Variants in STRBP observed in about 807,000 individuals in gnomAD.
STRBP encodes the protein spermatid perinuclear RNA-binding protein.
A neutral mutation model predicts 80.1 loss-of-function variants in STRBP; 13 were observed. That is an observed-to-expected ratio of 0.16 (90% CI 0.11 to 0.26). The LOEUF (loss-of-function observed/expected upper bound fraction) is 0.26. STRBP is among the 10% of genes least tolerant of loss of function. The probability of loss-of-function intolerance (pLI) is 1.00; values close to 1 mark genes in which losing one functional copy is unlikely to be tolerated. For synonymous variants in STRBP, 284 were observed against 291.2 expected, an observed-to-expected ratio of 0.98 and a Z score of 0.25; for missense variants, 485 against 815.2, an observed-to-expected ratio of 0.59 and a Z score of 4.93.
At chr9:123,216,699 C>T (rs117792680) in intron 2 of STRBP, among the ~76,000 whole-genome samples, 6 of 152,314 alleles carry the variant, frequency 3.9e-5, no homozygotes, top group East Asian at 1.9e-4. Flanking sequence ...AACACTGCTA[C>T]GATATCATGT....
chr9:123,179,789 A>G (rs1255521604), intron 3 of STRBP, among the ~76,000 whole-genome samples: 1 of 152,136 alleles, frequency 6.6e-6, no homozygotes, highest in African/African-American at 2.4e-5. Flanking sequence ...CTGAACCTAC[A>G]CATTCTGAAT....
intron 17 of STRBP, among the ~76,000 whole-genome samples, chr9:123,130,468 A>G (rs1341175348): frequency 6.6e-6 from 1 of 152,144 alleles, no homozygotes; most frequent in Non-Finnish European, 1.5e-5. Context: ...GGTTCCTTTC[A>G]TGATTACTGC....
intron 2 of STRBP, among the ~76,000 whole-genome samples, chr9:123,200,108 CT>C (rs1021263368): frequency 1.3e-5 from 2 of 152,036 alleles, no homozygotes; most frequent in Admixed American, 1.3e-4. Flanking sequence ...TTGTCAAATG[CT>C]TTTTCTGCAT....
chr9:123,221,386 C>T (rs1203128532), intron 2 of STRBP, among the ~76,000 whole-genome samples: 5 of 152,162 alleles, frequency 3.3e-5, no homozygotes, highest in Admixed American at 1.3e-4. Context: ...CTCCCTGGGT[C>T]GCACTTTCCT....
At chr9:123,207,757 C>T (rs1010035669) in intron 2 of STRBP, among the ~76,000 whole-genome samples, 1 of 151,952 alleles carries the variant, frequency 6.6e-6, no homozygotes. Context: ...AAGAACACAT[C>T]AGGGAGGGAT....
intron 2 of STRBP, among the ~76,000 whole-genome samples, chr9:123,205,842 T>G (rs2039494849): frequency 6.6e-6 from 1 of 152,228 alleles, no homozygotes; most frequent in South Asian, 2.1e-4. Context: ...ATTCAATATC[T>G]TTGGCTCAGG....
intron 2 of STRBP, among the ~76,000 whole-genome samples, chr9:123,223,462 A>G (rs900237946): frequency 2.0e-5 from 3 of 152,218 alleles, no homozygotes; most frequent in South Asian, 2.1e-4. Context: ...GTGAGGGGAT[A>G]GAATGATATG....
At chr9:123,243,987 C>A (rs1483740457) in intron 1 of STRBP, among the ~76,000 whole-genome samples, 1 of 152,172 alleles carries the variant, frequency 6.6e-6, no homozygotes, top group Non-Finnish European at 1.5e-5. Flanking sequence ...TATAGCAGTT[C>A]TGTTCATAAT....
In STRBP at chr9:123,123,781, T is replaced by C. The variant is rs989728134; in HGVS notation, c.*1816A>G. ...GTATTCCAAAGACAATGAGGACTACTGTAAAGATTTAATTAATAAAAACTG... is the reference window on the plus strand; with the variant it reads ...GTATTCCAAAGACAATGAGGACTACCGTAAAGATTTAATTAATAAAAACTG... On this transcript the variant is annotated 3_prime_UTR_variant, in exon 19 of 19. Transcript: ENST00000348403. The C allele has an allele frequency of 2.0e-6, 2 of 985,404 alleles. No individual in the cohort carries two copies. The highest frequency in any genetic ancestry group is 5.2e-4 in the Middle Eastern group (1 of 1,914). The allele number at this position is 985,404 out of a possible 1,614,324, so 61.0% of individuals were successfully genotyped here. A position where few individuals can be genotyped will look rare whatever the true frequency, so the allele number is the denominator to read the frequency against.
At chr9:123,135,365 T>C (rs958817299) in intron 16 of STRBP, among the ~76,000 whole-genome samples, 5 of 152,160 alleles carry the variant, frequency 3.3e-5, no homozygotes, top group African/African-American at 9.7e-5. Context: ...TGAGGCACAA[T>C]GTGTCTTATA....
chr9:123,190,673 T>G (rs1259229473), intron 2 of STRBP, among the ~76,000 whole-genome samples: 1 of 152,230 alleles, frequency 6.6e-6, no homozygotes, highest in Non-Finnish European at 1.5e-5. Context: ...TAACGGTATG[T>G]ACAAAGAAGA....
intron 2 of STRBP, among the ~76,000 whole-genome samples, chr9:123,195,568 A>G (rs2039062901): frequency 6.6e-6 from 1 of 152,206 alleles, no homozygotes. Flanking sequence ...ACACTCTGAA[A>G]GAAATCAAGA....
chr9:123,142,323 A>ACCACATAAGATGTGCCTGCTTC (rs1404588699), intron 13 of STRBP, among the ~76,000 whole-genome samples: 16 of 152,104 alleles, frequency 1.1e-4, no homozygotes, highest in Non-Finnish European at 2.1e-4. Context: ...TCCTGCTCGG[A>ACCACATAAGATGTGCCTGCTTC]CCACATAAGA....
intron 13 of STRBP, among the ~76,000 whole-genome samples, chr9:123,142,601 T>G (rs1010208626): frequency 3.9e-5 from 6 of 152,186 alleles, no homozygotes; most frequent in African/African-American, 7.2e-5. Context: ...TCCTGATGTT[T>G]CCTCTTAGTA....
downstream of STRBP, among the ~76,000 whole-genome samples, chr9:123,119,339 T>G: frequency 6.6e-6 from 1 of 151,852 alleles, no homozygotes; most frequent in East Asian, 1.9e-4. Context: ...CAGGTAGATA[T>G]TCTAAGATCA....
chr9:123,160,415 C>G lies in STRBP; in HGVS notation c.675G>C (p.Leu225=). The change falls in exon 8 of 19, where the codon CTG becomes CTC. Residue 225 remains leucine, a synonymous_variant. Coordinates refer to ENST00000348403, the MANE Select transcript of STRBP (RefSeq NM_018387.5). ...LKSCVIVLRI[L]RDLCNRVPTW... is the part of the protein sequence containing the mutation. ...TGGGGACTCTGTTGCACAAATCACG[C>G]AGAATGCGGAGGACAATTACACATG... 6.2e-7 allele frequency: 1 copy of G among 1,605,786 alleles called. No homozygotes were observed.
At chr9:123,127,930 A>G (rs2132299575) in intron 18 of STRBP, among the ~76,000 whole-genome samples, 1 of 152,292 alleles carries the variant, frequency 6.6e-6, no homozygotes, top group South Asian at 2.1e-4. Flanking sequence ...ATGGAGTATC[A>G]GTTGGCTGTA....
In STRBP at chr9:123,122,500, C is replaced by T. The variant is rs1301855637; in HGVS notation, c.*3097G>A. On this transcript the variant is annotated 3_prime_UTR_variant, in exon 19 of 19. Transcript: ENST00000348403. ...CAAAATCTCTCAGTGGTTTGTTCCC[C>T]AGGCTAACAATTTGAGAGAGACTAC... is the stretch of plus-strand genomic sequence containing the variant. 5.9e-6 allele frequency: 7 copies of T among 1,186,874 alleles called. No individual in the cohort carries two copies. The highest frequency in any genetic ancestry group is 7.4e-6 in the Non-Finnish European group (7 of 946,294). The allele number at this position is 1,186,874 out of a possible 1,614,324, so 73.5% of individuals were successfully genotyped here.
In STRBP at chr9:123,238,702, GAGAC is replaced by G. The variant is rs1222757931; in HGVS notation, c.-301-1740_-301-1737del. ...TTCAAATAAGCTAAAGATGAGAAGG[GAGAC>G]TACCCAAGGAAATTTCAGAAATTTG... On this transcript the variant is annotated intron_variant, in intron 1 of 18. Transcript: ENST00000348403. 3.9e-5 allele frequency among the ~76,000 whole-genome samples: 6 copies of G among 152,220 alleles called. No homozygotes were observed. The South Asian group carries it at 1.0e-3, about 26-fold the overall frequency.
Sources: gnomAD v4.1 joint callset for allele counts (sites outside exome capture counted in the v4.1 genomes callset) on GRCh38, gnomAD v4.1.1 for gene constraint, MANE v1.5 for transcripts, NCBI Gene and HGNC (gene_info 2026-07-23, HGNC 2026-07-21) for gene names.